Variants in NFATC1 observed in about 807,000 individuals in gnomAD.
NFATC1 encodes nuclear factor of activated T-cells, cytoplasmic 1.
A neutral mutation model predicts 76.0 loss-of-function variants in NFATC1; 22 were observed. That is an observed-to-expected ratio of 0.29 (90% CI 0.21 to 0.41). NFATC1 has a LOEUF of 0.41. NFATC1 is among the 10% of genes least tolerant of loss of function. The pLI is 1.00. For synonymous variants in NFATC1, 704 were observed against 613.1 expected (o/e 1.15, Z -2.19); for missense variants, 1,357 against 1,337.7 (o/e 1.01, Z -0.23).
At chr18:79,411,526 C>A in intron 2 of NFATC1, 25 bp downstream of exon 2, 1 of 1,369,620 alleles carries the variant, frequency 7.3e-7, no homozygotes. Context: ...CGGGGCGGGA[C>A]GGGGAGGCGA....
chr18:79,396,378 G>A (rs1378214976), intron 1 of NFATC1, 27 bp downstream of exon 1: 20 of 1,244,796 alleles, frequency 1.6e-5, no homozygotes, highest in Middle Eastern at 3.2e-4. Context: ...CTCCGCCCCC[G>A]GACCCCTGCG....
At chr18:79,439,000 G>A (rs906777545) in intron 3 of NFATC1, among the ~76,000 whole-genome samples, 22 of 152,340 alleles carry the variant, frequency 1.4e-4, no homozygotes, top group African/African-American at 5.0e-4. Flanking sequence ...GTTAAAATGC[G>A]CGTCGGGCCA....
chr18:79,401,530 G>C (rs1011900387), intron 1 of NFATC1, among the ~76,000 whole-genome samples: 1 of 152,236 alleles, frequency 6.6e-6, no homozygotes, highest in Non-Finnish European at 1.5e-5. Context: ...GAGACCCGCC[G>C]GAGGCCCTTC....
intron 9 of NFATC1, among the ~76,000 whole-genome samples, chr18:79,517,600 T>G (rs957380562): frequency 1.4e-4 from 22 of 152,352 alleles, no homozygotes; most frequent in Admixed American, 1.3e-3. Flanking sequence ...TTTTGTTTCC[T>G]GTATTGCTTT....
intron 2 of NFATC1, among the ~76,000 whole-genome samples, chr18:79,418,260 G>A (rs941315294): frequency 3.9e-5 from 6 of 152,152 alleles, no homozygotes; most frequent in East Asian, 3.9e-4. Flanking sequence ...GGGAGCTGTC[G>A]GGTCACAGTC....
chr18:79,439,885 G>A (rs374109876), intron 3 of NFATC1, among the ~76,000 whole-genome samples: 62 of 152,332 alleles, frequency 4.1e-4, no homozygotes, highest in African/African-American at 1.4e-3. Flanking sequence ...AGACCAACGT[G>A]GAATGAGGTC....
chr18:79,418,459 G>A (rs1219296895), intron 2 of NFATC1, among the ~76,000 whole-genome samples: 1 of 152,218 alleles, frequency 6.6e-6, no homozygotes, highest in Admixed American at 6.5e-5. Context: ...CACAAGGCCT[G>A]TACGGGGTGG....
At chr18:79,455,808 T>TC (rs1555910084) in intron 6 of NFATC1, among the ~76,000 whole-genome samples, 1 of 125,622 alleles carries the variant, frequency 8.0e-6, no homozygotes, top group African/African-American at 3.0e-5. Context: ...GGCCGCCCCA[T>TC]CCTCTGGCCC....
intron 9 of NFATC1, among the ~76,000 whole-genome samples, chr18:79,488,082 G>A (rs958561231): frequency 6.6e-5 from 10 of 152,302 alleles, no homozygotes; most frequent in East Asian, 5.8e-4. Flanking sequence ...TGACCCAGGG[G>A]GGGCAGGGAC....
At chr18:79,483,391 ATT>A (rs1365639538) in intron 8 of NFATC1, among the ~76,000 whole-genome samples, 12 of 114,524 alleles carry the variant, frequency 1.0e-4, no homozygotes, top group African/African-American at 4.0e-4. Context: ...CTGGGGTGTC[ATT>A]CCGGCATGAC....
intron 9 of NFATC1, among the ~76,000 whole-genome samples, chr18:79,504,410 T>C (rs570207781): frequency 1.3e-5 from 2 of 152,166 alleles, no homozygotes; most frequent in East Asian, 1.9e-4. Flanking sequence ...GGGAGAGAGA[T>C]AGAGAATGGC....
At chr18:79,510,986 G>C (rs1490323822) in intron 9 of NFATC1, among the ~76,000 whole-genome samples, 3 of 152,348 alleles carry the variant, frequency 2.0e-5, no homozygotes, top group Admixed American at 1.3e-4. Flanking sequence ...GAAGTGTCGT[G>C]TTCCCAGCCA....
At chr18:79,482,017 C>G (rs569096886) in intron 8 of NFATC1, among the ~76,000 whole-genome samples, 58 of 142,656 alleles carry the variant, frequency 4.1e-4, no homozygotes, top group African/African-American at 1.3e-3. Context: ...CCAGTGTGAC[C>G]TGGTTCCTGG....
chr18:79,411,514 C>CG lies in NFATC1; in HGVS notation c.1226+14dup, dbSNP rs1555900009. The CG allele has an allele frequency of 6.9e-7, 1 of 1,458,038 alleles. No homozygotes were observed. The highest frequency in any genetic ancestry group is 1.5e-5 in the South Asian group (1 of 65,564). 90.3% of individuals were successfully genotyped at this position (1,458,038 alleles called of 1,614,324 possible). A position where few individuals can be genotyped will look rare whatever the true frequency, so the allele number is the denominator to read the frequency against. ...CGTCCTACATGAGGTGAGCCGGCAG[C>CG]GCGGGGCGGGACGGGGAGGCGAGGG... On this transcript the variant is annotated intron_variant, in intron 2 of 9. Transcript: ENST00000427363.
chr18:79,455,013 C>T (rs904136538), intron 6 of NFATC1, among the ~76,000 whole-genome samples: 17 of 152,174 alleles, frequency 1.1e-4, no homozygotes, highest in African/African-American at 3.4e-4. Context: ...ATAAACGAAA[C>T]GCCCGAAGAA....
intron 3 of NFATC1, among the ~76,000 whole-genome samples, chr18:79,443,631 G>A (rs1470993031): frequency 1.3e-5 from 2 of 152,246 alleles, no homozygotes. Context: ...CAAGCCCGTG[G>A]GGTCCCGTCT....
intron 1 of NFATC1, among the ~76,000 whole-genome samples, chr18:79,408,228 G>A (rs115273054): frequency 0.01 from 1,548 of 152,276 alleles, 8 homozygotes; most frequent in African/African-American, 0.016. Flanking sequence ...ACGACTTAGC[G>A]GAAAGACAGC....
At chr18:79,506,589 C>A (rs2090125993) in intron 9 of NFATC1, among the ~76,000 whole-genome samples, 2 of 152,220 alleles carry the variant, frequency 1.3e-5, no homozygotes, top group Admixed American at 1.3e-4. Flanking sequence ...CCATCACGTC[C>A]AACACACGGT....
chr18:79,438,717 GA>G (rs2144699508), intron 3 of NFATC1, among the ~76,000 whole-genome samples: 1 of 152,266 alleles, frequency 6.6e-6, no homozygotes, highest in Admixed American at 6.5e-5. Flanking sequence ...GCGCGGGTGA[GA>G]GGGGCGGGCG....
Sources: gnomAD v4.1 joint callset for allele counts (sites outside exome capture counted in the v4.1 genomes callset) on GRCh38, gnomAD v4.1.1 for gene constraint, MANE v1.5 for transcripts, NCBI Gene and HGNC (gene_info 2026-07-23, HGNC 2026-07-21) for gene names.